PEX13: variants seen among roughly 807,000 people sequenced by gnomAD.
The protein encoded by PEX13 is peroxisome biogenesis factor 13.
A neutral mutation model predicts 34.5 loss-of-function variants in PEX13; 28 were observed. The observed-to-expected ratio is 0.81, with a 90% CI of 0.60 to 1.11. PEX13 has a LOEUF of 1.11. Among genes scored for constraint, PEX13 ranks in the 50% most tolerant of loss-of-function variants. The pLI, the probability that PEX13 is intolerant of heterozygous loss-of-function variation, is 0.00. For missense variants in PEX13, 550 were observed against 491.0 expected (o/e 1.12, Z -1.13); for synonymous variants, 177 against 175.1 (o/e 1.01, Z -0.09).
At chr2:61,039,125 C>G (rs1218161984) in intron 2 of PEX13, among the ~76,000 whole-genome samples, 1 of 152,168 alleles carries the variant, frequency 6.6e-6, no homozygotes, top group Non-Finnish European at 1.5e-5. Flanking sequence ...ACATTCCATG[C>G]CCATGGATAG....
intron 1 of PEX13, chr2:61,018,783 T>C (rs1465477764): frequency 6.6e-6 from 1 of 152,368 alleles, no homozygotes; most frequent in Admixed American, 6.5e-5. Context: ...ATAAGTTTGA[T>C]TAGGCTGGTA....
chr2:61,038,483 A>G (rs2104808021), intron 2 of PEX13, among the ~76,000 whole-genome samples: 2 of 152,378 alleles, frequency 1.3e-5, no homozygotes, highest in African/African-American at 4.8e-5. Context: ...TCCATCACAT[A>G]AACAGAACCA....
chr2:61,032,331 A>G (rs1213425360), intron 2 of PEX13, among the ~76,000 whole-genome samples: 1 of 152,312 alleles, frequency 6.6e-6, no homozygotes, highest in South Asian at 2.1e-4. Context: ...TTTACAAGGT[A>G]CTGAAATTGG....
chr2:61,020,616 T>C (rs1406798073), intron 1 of PEX13, among the ~76,000 whole-genome samples: 1 of 152,206 alleles, frequency 6.6e-6, no homozygotes, highest in Admixed American at 6.5e-5. Context: ...AAATTCTCTC[T>C]CTCTACCTTG....
At chr2:61,033,835 G>C (rs1349307369) in intron 2 of PEX13, among the ~76,000 whole-genome samples, 1 of 152,182 alleles carries the variant, frequency 6.6e-6, no homozygotes, top group Non-Finnish European at 1.5e-5. Flanking sequence ...AGTGTGATTG[G>C]AGCAAAGTGT....
intron 3 of PEX13, 69 bp downstream of exon 3, chr2:61,045,920 A>G: frequency 8.1e-7 from 1 of 1,241,640 alleles, no homozygotes; most frequent in Non-Finnish European, 1.2e-6. Flanking sequence ...ATTAAAAACT[A>G]CAACAAAGGA....
rs759610758 is a variant in PEX13 at position 61,031,420 on chromosome 2, T to C, written c.94T>C (p.Ser32Pro). ...PGPGPGPTFQ[S>P]ADLGPTLMTR... is the part of the protein sequence containing the mutation. ...GTTTTGAATCTTTTTTGGTTTTAGA[T>C]CTGCTGATTTGGGTCCTACTTTAAT... Residue 32 changes from serine to proline, a missense_variant and splice_region_variant, in exon 2 of 4, where the codon TCT (serine) becomes CCT (proline). Coordinates refer to ENST00000295030, the MANE Select transcript of PEX13 (RefSeq NM_002618.4). 13 of 1,613,232 alleles carry C rather than the reference T, an allele frequency of 8.1e-6. No individual in the cohort carries two copies. Among genetic ancestry groups the C allele is most frequent in the Non-Finnish European group, 1.1e-5 (13 of 1,179,322 alleles).
At chr2:61,028,535 C>T (rs1056291606) in intron 1 of PEX13, among the ~76,000 whole-genome samples, 1 of 151,704 alleles carries the variant, frequency 6.6e-6, no homozygotes, top group Non-Finnish European at 1.5e-5. Flanking sequence ...TACAGGCACC[C>T]ACCACCACGT....
chr2:61,046,101 A>G (rs1315211489), intron 3 of PEX13, among the ~76,000 whole-genome samples: 2 of 152,224 alleles, frequency 1.3e-5, no homozygotes. Context: ...TCTAAACTCA[A>G]AATACTTGAA....
At position 61,031,947 on chromosome 2, in the gene PEX13, T is replaced by G; in HGVS notation, c.621T>G (p.Asn207Lys). The G allele has an allele frequency of 1.2e-6, 2 of 1,614,206 alleles. No individual in the cohort carries two copies. Among genetic ancestry groups the G allele is most frequent in the Non-Finnish European group, 8.5e-7 (1 of 1,180,028 alleles). Reference protein sequence around the residue: ...RMLGLRRGSENEDLWAESEGT... With the variant: ...RMLGLRRGSEKEDLWAESEGT... ...TAGGTTTAAGAAGAGGCTCTGAGAATGAAGACCTCTGGGCAGAGAGTGAAG... is the reference window on the plus strand; with the variant it reads ...TAGGTTTAAGAAGAGGCTCTGAGAAGGAAGACCTCTGGGCAGAGAGTGAAG... The change falls in exon 2 of 4, where the codon AAT (asparagine) becomes AAG (lysine). Residue 207 changes from asparagine (N) to lysine (K), a missense_variant. Coordinates refer to ENST00000295030, the MANE Select transcript of PEX13 (RefSeq NM_002618.4).
chr2:61,032,361 A>C (rs912817648), intron 2 of PEX13, among the ~76,000 whole-genome samples: 1 of 152,218 alleles, frequency 6.6e-6, no homozygotes, highest in Non-Finnish European at 1.5e-5. Context: ...GGATACAAAG[A>C]TACATAGGGC....
At chr2:61,042,533 A>G (rs1290455848) in intron 2 of PEX13, among the ~76,000 whole-genome samples, 1 of 152,218 alleles carries the variant, frequency 6.6e-6, no homozygotes, top group Admixed American at 6.5e-5. Flanking sequence ...ATACAATGAC[A>G]CTATAGCTAT....
At position 61,046,066 on chromosome 2, in the gene PEX13, G is replaced by A. The variant is rs3732178; in HGVS notation, c.913+215G>A. Among the ~76,000 whole-genome samples, 15,183 of 152,160 alleles carry A rather than the reference G, an allele frequency of 0.1. 1,248 individuals carry two copies. Among genetic ancestry groups the A allele is most frequent in the East Asian group, 0.42 (2,161 of 5,172 alleles). On this transcript the variant is annotated intron_variant, in intron 3 of 3. Coordinates refer to ENST00000295030, the MANE Select transcript of PEX13 (RefSeq NM_002618.4). Reference sequence around the variant, plus strand: ...TCGAATACTATTTCACTGAGATAAGGAAAGGCTTTGTTTATATAGGCTTTT... The same window carrying A: ...TCGAATACTATTTCACTGAGATAAGAAAAGGCTTTGTTTATATAGGCTTTT...
chr2:61,041,688 T>C (rs938962744), intron 2 of PEX13, among the ~76,000 whole-genome samples: 2 of 152,142 alleles, frequency 1.3e-5, no homozygotes, highest in African/African-American at 4.8e-5. Flanking sequence ...AATGGCCAAA[T>C]TGAGTGATCA....
chr2:61,049,216 A>C lies in PEX13; in HGVS notation c.*446A>C. ...AGGTAAATTTTTTTTTTTTTTTACA[A>C]CCTTAAGTAATCTCAATAATAAAAT... is the stretch of plus-strand genomic sequence containing the variant. On this transcript the variant is annotated 3_prime_UTR_variant, in exon 4 of 4. Coordinates refer to ENST00000295030, the MANE Select transcript of PEX13 (RefSeq NM_002618.4). 1 of 162,758 alleles carries C rather than the reference A, an allele frequency of 6.1e-6. No individual in the cohort carries two copies. The highest frequency in any genetic ancestry group is 1.3e-5 in the Non-Finnish European group (1 of 74,116). 10.1% of individuals were successfully genotyped at this position (162,758 alleles called of 1,614,324 possible).
chr2:61,018,205 G>T (rs1446059758), intron 1 of PEX13: 3 of 1,551,034 alleles, frequency 1.9e-6, no homozygotes, highest in Admixed American at 3.9e-5. Context: ...GTCTGTAGCA[G>T]TTGAGAGCGG....
rs185058770 is a variant in PEX13 at position 61,036,442 on chromosome 2, C to A, written c.787+4329C>A. ...ACTAACAGCAGCTCTCAGCAGAAAC[C>A]CTACAAGCCAGAAGACAGTGGGAGC... On this transcript the variant is annotated intron_variant, in intron 2 of 3. Coordinates refer to ENST00000295030, the MANE Select transcript of PEX13 (RefSeq NM_002618.4). Among the ~76,000 whole-genome samples the A allele has an allele frequency of 1.8e-4, 28 of 152,294 alleles. No homozygotes were observed. The East Asian group carries it at 5.0e-3, about 27-fold the overall frequency.
intron 1 of PEX13, among the ~76,000 whole-genome samples, chr2:61,027,348 A>G (rs867794512): frequency 6.6e-6 from 1 of 151,000 alleles, no homozygotes; most frequent in Non-Finnish European, 1.5e-5. Context: ...CAAAAAAAAA[A>G]AAAACAAAAC....
At chr2:61,022,134 G>A (rs780064730) in intron 1 of PEX13, among the ~76,000 whole-genome samples, 29 of 152,284 alleles carry the variant, frequency 1.9e-4, no homozygotes, top group African/African-American at 3.8e-4. Flanking sequence ...CCAAAGGATC[G>A]CAGCTCCTTG....
Sources: allele counts gnomAD v4.1 joint callset (sites outside exome capture counted in the v4.1 genomes callset), GRCh38; gene constraint gnomAD v4.1.1; transcripts MANE v1.5; gene names NCBI Gene and HGNC (gene_info 2026-07-23, HGNC 2026-07-21).